Variants in DTNB observed in about 807,000 individuals in gnomAD.
DTNB encodes dystrobrevin beta, also known as DTN-B.
Under a neutral mutation model 90.7 loss-of-function variants are expected in DTNB, and 63 were observed. That is an observed-to-expected ratio of 0.69 (90% CI 0.57 to 0.86). DTNB has a LOEUF of 0.86. Among genes scored for constraint, DTNB ranks in the 40% least tolerant of loss-of-function variants. The pLI is 0.00. For synonymous variants in DTNB, 277 were observed against 286.7 expected (o/e 0.97, Z 0.34); for missense variants, 744 against 807.1 (o/e 0.92, Z 0.95).
intron 9 of DTNB, among the ~76,000 whole-genome samples, chr2:25,506,238 G>A (rs1291817433): frequency 6.6e-6 from 1 of 151,998 alleles, no homozygotes; most frequent in African/African-American, 2.4e-5. Context: ...CAGAGCAGGG[G>A]GGTGACTATA....
intron 2 of DTNB, among the ~76,000 whole-genome samples, chr2:25,644,863 C>G (rs912588532): frequency 6.6e-6 from 1 of 151,732 alleles, no homozygotes; most frequent in African/African-American, 2.4e-5. Flanking sequence ...GAATAAAAAC[C>G]CTGGGGGACA....
At chr2:25,650,822 G>A (rs1046578229) in intron 2 of DTNB, among the ~76,000 whole-genome samples, 7 of 152,080 alleles carry the variant, frequency 4.6e-5, no homozygotes, top group South Asian at 2.1e-4. Flanking sequence ...TTAGCCAGGC[G>A]CGGTGGCAGG....
At chr2:25,547,135 C>T (rs76801469) in intron 8 of DTNB, among the ~76,000 whole-genome samples, 160 of 152,158 alleles carry the variant, frequency 1.1e-3, no homozygotes, top group African/African-American at 3.7e-3. Context: ...AGCAATGAGC[C>T]ACCACACCTG....
chr2:25,622,217 T>C (rs1487016232), intron 4 of DTNB, among the ~76,000 whole-genome samples: 3 of 152,210 alleles, frequency 2.0e-5, no homozygotes, highest in Admixed American at 6.5e-5. Flanking sequence ...CAGTGGCTTA[T>C]GGCTGTATTC....
chr2:25,476,426 C>T (rs988616548), intron 10 of DTNB, among the ~76,000 whole-genome samples: 2 of 152,100 alleles, frequency 1.3e-5, no homozygotes, highest in Non-Finnish European at 2.9e-5. Context: ...ACTATAGCTG[C>T]CATAGATAGA....
At chr2:25,667,495 A>G (rs2084746070) in intron 1 of DTNB, among the ~76,000 whole-genome samples, 1 of 147,460 alleles carries the variant, frequency 6.8e-6, no homozygotes, top group Admixed American at 6.7e-5. Flanking sequence ...ACTCCATCTC[A>G]AAAAAAAAAG....
At chr2:25,463,387 A>C (rs1439684985) in intron 10 of DTNB, among the ~76,000 whole-genome samples, 1 of 152,132 alleles carries the variant, frequency 6.6e-6, no homozygotes. Flanking sequence ...GCAACTTCTT[A>C]GGAGTTCTCG....
At chr2:25,536,710 CAGAG>C (rs1321240768) in intron 8 of DTNB, among the ~76,000 whole-genome samples, 2 of 152,018 alleles carry the variant, frequency 1.3e-5, no homozygotes, top group African/African-American at 4.8e-5. Flanking sequence ...AAGAGGGAGA[CAGAG>C]AGCGAGAGCG....
chr2:25,614,571 T>A (rs527634870), intron 4 of DTNB, among the ~76,000 whole-genome samples: 1 of 152,126 alleles, frequency 6.6e-6, no homozygotes, highest in African/African-American at 2.4e-5. Flanking sequence ...TTAAATAATA[T>A]TTTTTAAAAG....
At chr2:25,521,016 G>A (rs1179544936) in intron 9 of DTNB, among the ~76,000 whole-genome samples, 5 of 152,182 alleles carry the variant, frequency 3.3e-5, no homozygotes, top group African/African-American at 1.2e-4. Context: ...TGCAAAGGAT[G>A]CAAGAAACAA....
At chr2:25,636,179 A>G (rs2077088008) in intron 3 of DTNB, among the ~76,000 whole-genome samples, 1 of 152,226 alleles carries the variant, frequency 6.6e-6, no homozygotes, top group Admixed American at 6.5e-5. Flanking sequence ...GAATATATTC[A>G]TATTCAATGA....
chr2:25,551,599 C>A (rs1425358370), intron 8 of DTNB, among the ~76,000 whole-genome samples: 1 of 152,176 alleles, frequency 6.6e-6, no homozygotes, highest in African/African-American at 2.4e-5. Context: ...TAACACATAC[C>A]ACCTTCACTT....
At chr2:25,407,079 G>A (rs2045381745) in intron 16 of DTNB, among the ~76,000 whole-genome samples, 1 of 152,096 alleles carries the variant, frequency 6.6e-6, no homozygotes, top group South Asian at 2.1e-4. Context: ...GAGCTGGCAT[G>A]GATCCTTATT....
chr2:25,399,368 C>G (rs1000984512), intron 16 of DTNB: 1 of 65,286 alleles, frequency 1.5e-5, no homozygotes, highest in Admixed American at 1.4e-4. Flanking sequence ...TTTTTTTAGA[C>G]AGGATCTTGC....
chr2:25,667,591 T>A (rs2084775576), intron 1 of DTNB, among the ~76,000 whole-genome samples: 2 of 152,214 alleles, frequency 1.3e-5, no homozygotes, highest in South Asian at 4.1e-4. Flanking sequence ...AGGTGAAGTT[T>A]AACTTTACAG....
In DTNB at chr2:25,662,549, G is replaced by T. The variant is rs74719857; in HGVS notation, c.-1-9888C>A. On this transcript the variant is annotated intron_variant, in intron 1 of 20. Coordinates refer to ENST00000406818, the MANE Select transcript of DTNB (RefSeq NM_021907.5). ...AATTTAAGGAAGCATCACCCTGGGG[G>T]TCATGCAAGCCCATGGCTGAGGGGC... is the stretch of plus-strand genomic sequence containing the variant. Among the ~76,000 whole-genome samples, 1,062 of 152,138 alleles carry T rather than the reference G, an allele frequency of 7.0e-3. 14 individuals are homozygous for T. The highest frequency in any genetic ancestry group is 0.024 in the African/African-American group (1,016 of 41,480).
chr2:25,458,220 C>A (rs1342763254), intron 10 of DTNB, among the ~76,000 whole-genome samples: 2 of 152,118 alleles, frequency 1.3e-5, no homozygotes, highest in Non-Finnish European at 2.9e-5. Flanking sequence ...ATTCTGATGA[C>A]TCAGATGATT....
At chr2:25,668,496 T>C (rs934761191) in intron 1 of DTNB, among the ~76,000 whole-genome samples, 1 of 152,244 alleles carries the variant, frequency 6.6e-6, no homozygotes, top group African/African-American at 2.4e-5. Flanking sequence ...ATGTAAATGA[T>C]ACATGACATT....
chr2:25,436,143 T>G (rs939190918), intron 12 of DTNB, among the ~76,000 whole-genome samples: 2 of 152,164 alleles, frequency 1.3e-5, no homozygotes, highest in African/African-American at 4.8e-5. Flanking sequence ...AAGACCAGCA[T>G]GGCCAACATG....
Sources: allele counts gnomAD v4.1 joint callset (sites outside exome capture counted in the v4.1 genomes callset), GRCh38; gene constraint gnomAD v4.1.1; transcripts MANE v1.5; gene names NCBI Gene and HGNC (gene_info 2026-07-23, HGNC 2026-07-21).